The following ZPBP variants were observed in gnomAD, a reference collection of about 807,000 sequenced individuals.
ZPBP encodes zona pellucida-binding protein 1.
Under a neutral mutation model 44.8 loss-of-function variants are expected in ZPBP, and 26 were observed. The ratio of observed to expected loss-of-function variants is 0.58; its 90% CI spans 0.43 to 0.81. ZPBP has a LOEUF of 0.81. ZPBP is among the 30% of genes least tolerant of loss of function. ZPBP has a pLI of 0.00. For missense variants in ZPBP, 409 were observed against 434.0 expected, an observed-to-expected ratio of 0.94 and a Z score of 0.51; for synonymous variants, 174 against 153.2, an observed-to-expected ratio of 1.14 and a Z score of -1.00.
chr7:50,069,915 A>T (rs1369271438), intron 3 of ZPBP, among the ~76,000 whole-genome samples: 1 of 151,968 alleles, frequency 6.6e-6, no homozygotes, highest in Admixed American at 6.6e-5. Flanking sequence ...GAGCACACAG[A>T]CCATGCTAGG....
At chr7:49,866,793 C>T (rs1318785383) in intron 2 of ZPBP, among the ~76,000 whole-genome samples, 1 of 152,222 alleles carries the variant, frequency 6.6e-6, no homozygotes, top group African/African-American at 2.4e-5. Flanking sequence ...CCCTTTATGG[C>T]ATTTAGGTTC....
intron 2 of ZPBP, among the ~76,000 whole-genome samples, chr7:49,888,041 A>G (rs534403015): frequency 6.6e-6 from 1 of 152,332 alleles, no homozygotes; most frequent in Non-Finnish European, 1.5e-5. Context: ...GCAGGCTCAT[A>G]CTGGCTTTGA....
At chr7:50,030,808 A>C (rs1179191358) in intron 5 of ZPBP, among the ~76,000 whole-genome samples, 4 of 152,188 alleles carry the variant, frequency 2.6e-5, no homozygotes, top group African/African-American at 9.7e-5. Context: ...TACAAATTAA[A>C]TCATTATATC....
chr7:50,049,974 C>T (rs1196868738), intron 4 of ZPBP, among the ~76,000 whole-genome samples: 1 of 151,768 alleles, frequency 6.6e-6, no homozygotes, highest in East Asian at 1.9e-4. Context: ...CACAAAATTA[C>T]ACATATTAGC....
intron 2 of ZPBP, among the ~76,000 whole-genome samples, chr7:49,859,814 A>C (rs1249163975): frequency 6.8e-6 from 1 of 148,020 alleles, no homozygotes; most frequent in African/African-American, 2.7e-5. Context: ...ACACACACAC[A>C]CACACACACA....
chr7:49,992,862 C>T (rs774680507), intron 6 of ZPBP, among the ~76,000 whole-genome samples: 13 of 151,506 alleles, frequency 8.6e-5, no homozygotes, highest in Non-Finnish European at 7.4e-5. Flanking sequence ...CTAAAATATA[C>T]GAAGAAAAGC....
In ZPBP at chr7:49,922,621, C is replaced by T. The variant is rs148868818; in HGVS notation, n.411+13130G>A. On this transcript the variant is annotated intron_variant and non_coding_transcript_variant, in intron 1 of 2. Transcript: ENST00000465922. ...CATTCTGAGCATTTTTCCCTGAGTA[C>T]ATTTCCTATTGGAATAGCATGCTGA... is the stretch of plus-strand genomic sequence containing the variant. Among the ~76,000 whole-genome samples the T allele has an allele frequency of 4.5e-3, 687 of 152,266 alleles. 4 individuals are homozygous for T. The highest frequency in any genetic ancestry group is 0.016 in the African/African-American group (650 of 41,560).
At chr7:50,068,560 C>A (rs1439357677) in intron 3 of ZPBP, among the ~76,000 whole-genome samples, 1 of 152,130 alleles carries the variant, frequency 6.6e-6, no homozygotes, top group Non-Finnish European at 1.5e-5. Flanking sequence ...GCTTTTTCCA[C>A]GACTGCGTTC....
At chr7:49,890,012 TGA>T (rs1400062467) in intron 2 of ZPBP, among the ~76,000 whole-genome samples, 1 of 152,228 alleles carries the variant, frequency 6.6e-6, no homozygotes, top group African/African-American at 2.4e-5. Context: ...TTTTCCCATC[TGA>T]GTGTTGAAGT....
chr7:49,964,377 T>A (rs759733897), intron 7 of ZPBP, among the ~76,000 whole-genome samples: 29 of 152,162 alleles, frequency 1.9e-4, no homozygotes, highest in Non-Finnish European at 4.0e-4. Flanking sequence ...TGATTATTTA[T>A]GTATCAAATC....
chr7:50,090,551 A>G (rs1161921414), intron 1 of ZPBP, among the ~76,000 whole-genome samples: 1 of 151,100 alleles, frequency 6.6e-6, no homozygotes, highest in East Asian at 1.9e-4. Context: ...ATATGTGTGC[A>G]TATATATGCA....
chr7:49,906,949 G>A (rs908042804), intron 1 of ZPBP, among the ~76,000 whole-genome samples: 7 of 152,072 alleles, frequency 4.6e-5, no homozygotes, highest in Non-Finnish European at 1.0e-4. Context: ...AATGTGCTAA[G>A]CATTTATATG....
At chr7:49,982,334 T>G (rs1422792277) in intron 7 of ZPBP, among the ~76,000 whole-genome samples, 1 of 122,260 alleles carries the variant, frequency 8.2e-6, no homozygotes, top group Admixed American at 1.1e-4. Flanking sequence ...TTATATAATA[T>G]ATAATACATA....
At chr7:49,990,818 T>C (rs903269713) in intron 6 of ZPBP, among the ~76,000 whole-genome samples, 2 of 152,204 alleles carry the variant, frequency 1.3e-5, no homozygotes, top group East Asian at 3.8e-4. Flanking sequence ...AGCTTTAATA[T>C]ATGTTCTAGA....
rs535307630 is a variant in ZPBP, at chr7:49,943,035, G to T, written c.962-5413C>A. On this transcript the variant is annotated intron_variant, in intron 7 of 7. Coordinates refer to ENST00000046087, the MANE Select transcript of ZPBP (RefSeq NM_007009.3). ...GAGGGTGAAAGCTGGGGGGCCACAG[G>T]TGACTCTCCATTAAGCAGCTTGACA... 2.6e-3 allele frequency: 754 copies of T among 291,834 alleles called. 18 individuals carry two copies. In the South Asian group the frequency reaches 0.027, roughly 11 times the overall value. 18.1% of individuals were successfully genotyped at this position (291,834 alleles called of 1,614,324 possible).
At chr7:50,090,318 T>C (rs1419409475) in intron 1 of ZPBP, among the ~76,000 whole-genome samples, 1 of 151,970 alleles carries the variant, frequency 6.6e-6, no homozygotes, top group Non-Finnish European at 1.5e-5. Flanking sequence ...CCTCATAGCT[T>C]AGCTCCCACT....
At chr7:49,953,767 G>C (rs1188541578) in intron 7 of ZPBP, among the ~76,000 whole-genome samples, 1 of 152,082 alleles carries the variant, frequency 6.6e-6, no homozygotes, top group African/African-American at 2.4e-5. Flanking sequence ...TGGAACTAAG[G>C]AGGTAAAATA....
rs1262690577 is a variant in ZPBP, at chr7:49,965,284, A to G, written c.961+18058T>C. On this transcript the variant is annotated intron_variant, in intron 7 of 7. Coordinates refer to ENST00000046087, the MANE Select transcript of ZPBP (RefSeq NM_007009.3). ...AAAAGAATCATCAGGTAAAAAAGAAAAACAAGGATAAAGGTGAAAGCAGAT... is the reference window on the plus strand; with the variant it reads ...AAAAGAATCATCAGGTAAAAAAGAAGAACAAGGATAAAGGTGAAAGCAGAT... Among the ~76,000 whole-genome samples the G allele has an allele frequency of 5.3e-5, 8 of 152,224 alleles. No homozygotes were observed. In the South Asian group the frequency reaches 1.2e-3, roughly 24 times the overall value.
intron 7 of ZPBP, among the ~76,000 whole-genome samples, chr7:49,978,510 G>A (rs1290023142): frequency 6.6e-6 from 1 of 152,004 alleles, no homozygotes; most frequent in African/African-American, 2.4e-5. Flanking sequence ...GAACAAATCT[G>A]GTGCTTATTT....
Sources: allele counts gnomAD v4.1 joint callset (sites outside exome capture counted in the v4.1 genomes callset), GRCh38; gene constraint gnomAD v4.1.1; transcripts MANE v1.5; gene names NCBI Gene and HGNC (gene_info 2026-07-23, HGNC 2026-07-21).